MAML3: variants seen among roughly 807,000 people sequenced by gnomAD.
MAML3 encodes the protein mastermind like transcriptional coactivator 3.
In MAML3, 27 loss-of-function variants were observed where a neutral mutation model predicts 101.9. That is an observed-to-expected ratio of 0.27 (90% CI 0.20 to 0.37). The LOEUF (loss-of-function observed/expected upper bound fraction) is 0.37. MAML3 is among the 10% of genes least tolerant of loss of function. MAML3 has a pLI of 1.00. For missense variants in MAML3, 1,316 were observed against 1,444.9 expected (o/e 0.91, Z 1.45); for synonymous variants, 501 against 555.9 (o/e 0.90, Z 1.39).
chr4:139,869,109 G>T (rs943883279), intron 2 of MAML3, among the ~76,000 whole-genome samples: 4 of 152,196 alleles, frequency 2.6e-5, no homozygotes, highest in Non-Finnish European at 4.4e-5. Context: ...TGTTTGTGTG[G>T]AAAGCATGCA....
chr4:139,774,805 C>T (rs1730061594), intron 2 of MAML3, among the ~76,000 whole-genome samples: 1 of 152,106 alleles, frequency 6.6e-6, no homozygotes, highest in African/African-American at 2.4e-5. Flanking sequence ...GCTTGAACTG[C>T]TATATGATAT....
In MAML3 at chr4:139,799,713, G is replaced by A. The variant is rs183301297; in HGVS notation, c.2080-69046C>T. On this transcript the variant is annotated intron_variant, in intron 2 of 4. Coordinates refer to ENST00000509479, the MANE Select transcript of MAML3 (RefSeq NM_018717.5). ...ATCTTTCCCCCAAGGTCAAAGTGAT[G>A]CACATTTTCTATTCTGTGGAAACTC... is the stretch of plus-strand genomic sequence containing the variant. Among the ~76,000 whole-genome samples, 194 of 152,296 alleles carry A rather than the reference G, an allele frequency of 1.3e-3. 1 individual carries two copies. Among genetic ancestry groups the A allele is most frequent in the African/African-American group, 4.4e-3 (184 of 41,560 alleles).
rs776869274 is a variant in MAML3 at position 139,720,282 on chromosome 4, G to A, written c.2458C>T (p.Leu820Phe). Residue 820 changes from leucine to phenylalanine, a missense_variant, in exon 5 of 5, where the codon CTC (leucine) becomes TTC (phenylalanine). By Grantham distance (22) the Leu-to-Phe change is conservative. Transcript: ENST00000509479. ...AGCCGTGACGTTCGCATGCTCTGGAGGGCTGCTTGGCTTCTTACGGCTGCT... is the reference window on the plus strand; with the variant it reads ...AGCCGTGACGTTCGCATGCTCTGGAAGGCTGCTTGGCTTCTTACGGCTGCT... ...DIAAVRSQAA[L>F]QSMRTSRLMA... The A allele has an allele frequency of 1.9e-6, 3 of 1,567,606 alleles. No individual in the cohort carries two copies. In the African/African-American group the frequency reaches 4.1e-5, roughly 21 times the overall value.
intron 2 of MAML3, among the ~76,000 whole-genome samples, chr4:139,850,370 T>C (rs1731526825): frequency 1.3e-5 from 2 of 152,208 alleles, no homozygotes; most frequent in African/African-American, 4.8e-5. Context: ...CTTCCTGGCT[T>C]ACAGAAGTTG....
At chr4:139,786,806 G>T (rs553670621) in intron 2 of MAML3, among the ~76,000 whole-genome samples, 7 of 152,190 alleles carry the variant, frequency 4.6e-5, no homozygotes, top group Non-Finnish European at 8.8e-5. Context: ...TTAAAGTGGG[G>T]TCAAGGGCCA....
intron 1 of MAML3, among the ~76,000 whole-genome samples, chr4:140,049,053 CAG>C (rs907816037): frequency 1.3e-5 from 2 of 152,256 alleles, no homozygotes; most frequent in African/African-American, 4.8e-5. Flanking sequence ...CGTCTTTATT[CAG>C]AGTTTGAGCT....
At chr4:139,765,257 A>G (rs1560787428) in intron 2 of MAML3, among the ~76,000 whole-genome samples, 1 of 152,248 alleles carries the variant, frequency 6.6e-6, no homozygotes, top group Non-Finnish European at 1.5e-5. Flanking sequence ...AAAAATATGT[A>G]TGCACATTGT....
Position 140,122,220 on chromosome 4 carries a change from C to CTTTTTTTTTTTTTTTTTTTTTT in MAML3, c.468+30639_468+30640insAAAAAAAAAAAAAAAAAAAAAA, listed in dbSNP as rs369602172. On this transcript the variant is annotated intron_variant, in intron 1 of 4. Transcript: ENST00000509479. ...TTCTCACAGGAATAATCAAACGAGACTTTTTTTTTTTTTTTTTTTAAACAG... is the reference window on the plus strand; with the variant it reads ...TTCTCACAGGAATAATCAAACGAGACTTTTTTTTTTTTTTTTTTTTTTTTTTTTTTTTTTTTTTTTTAAACAG... 2.2e-4 allele frequency among the ~76,000 whole-genome samples: 27 copies of CTTTTTTTTTTTTTTTTTTTTTT among 124,614 alleles called. 13 individuals are homozygous for CTTTTTTTTTTTTTTTTTTTTTT. Among genetic ancestry groups the CTTTTTTTTTTTTTTTTTTTTTT allele is most frequent in the Non-Finnish European group, 2.8e-4 (17 of 61,320 alleles). 81.8% of individuals were successfully genotyped at this position (124,614 alleles called of 152,430 possible).
intron 1 of MAML3, among the ~76,000 whole-genome samples, chr4:140,033,402 A>C (rs972735620): frequency 6.9e-6 from 1 of 145,866 alleles, no homozygotes; most frequent in Non-Finnish European, 1.5e-5. Context: ...GCCTTGAAAA[A>C]AAGATGGAGC....
At chr4:140,111,925 CT>C (rs1728445012) in intron 1 of MAML3, among the ~76,000 whole-genome samples, 1 of 152,172 alleles carries the variant, frequency 6.6e-6, no homozygotes, top group South Asian at 2.1e-4. Context: ...TCTTTGTCTT[CT>C]TGATCTTGAC....
chr4:139,993,406 A>G (rs1052261031), intron 1 of MAML3, among the ~76,000 whole-genome samples: 10 of 151,586 alleles, frequency 6.6e-5, no homozygotes, highest in African/African-American at 2.4e-4. Flanking sequence ...ACATAGATAC[A>G]TTCTGGATAA....
At chr4:140,136,516 A>G (rs1728885174) in intron 1 of MAML3, among the ~76,000 whole-genome samples, 1 of 152,230 alleles carries the variant, frequency 6.6e-6, no homozygotes, top group Non-Finnish European at 1.5e-5. Context: ...ACTTTGTGCC[A>G]TAATCAACCG....
chr4:139,912,931 C>A (rs1578593922), intron 1 of MAML3, among the ~76,000 whole-genome samples: 1 of 152,026 alleles, frequency 6.6e-6, no homozygotes, highest in Non-Finnish European at 1.5e-5. Flanking sequence ...GTTATGGCAG[C>A]CCTAGGAACT....
chr4:139,960,580 A>C (rs945652867), intron 1 of MAML3, among the ~76,000 whole-genome samples: 1 of 152,216 alleles, frequency 6.6e-6, no homozygotes, highest in Non-Finnish European at 1.5e-5. Flanking sequence ...AAATTAGGAC[A>C]AACTTCTCTT....
chr4:140,008,877 C>A (rs934104841), intron 1 of MAML3, among the ~76,000 whole-genome samples: 8 of 152,166 alleles, frequency 5.3e-5, no homozygotes, highest in African/African-American at 1.2e-4. Context: ...TGTATTATTT[C>A]GCCACCACGA....
At chr4:139,905,950 C>T (rs149426603) in intron 1 of MAML3, among the ~76,000 whole-genome samples, 1 of 152,240 alleles carries the variant, frequency 6.6e-6, no homozygotes, top group East Asian at 1.9e-4. Context: ...CAACTCAGCC[C>T]ATTACATGAT....
intron 1 of MAML3, among the ~76,000 whole-genome samples, chr4:139,902,472 T>C (rs1409160515): frequency 1.3e-5 from 2 of 152,164 alleles, no homozygotes; most frequent in Non-Finnish European, 2.9e-5. Context: ...ACTTTGTTAA[T>C]AAACAGAAAC....
intron 1 of MAML3, among the ~76,000 whole-genome samples, chr4:140,127,380 A>G (rs534170462): frequency 9.9e-5 from 15 of 152,200 alleles, no homozygotes; most frequent in Admixed American, 9.8e-4. Context: ...CCAGTCAGTG[A>G]TAAATGATGG....
chr4:139,885,123 G>A (rs12508981), intron 2 of MAML3, among the ~76,000 whole-genome samples: 58,385 of 152,126 alleles, frequency 0.38, 12,241 homozygotes, highest in Non-Finnish European at 0.47. Context: ...TACTCAGGCC[G>A]GGTGCGGTGG....
Sources: allele counts gnomAD v4.1 joint callset (sites outside exome capture counted in the v4.1 genomes callset), GRCh38; gene constraint gnomAD v4.1.1; transcripts MANE v1.5; gene names NCBI Gene and HGNC (gene_info 2026-07-23, HGNC 2026-07-21).